GBP6: variants seen among roughly 807,000 people sequenced by gnomAD.
The protein encoded by GBP6 is guanylate binding protein family member 6.
In GBP6, 54 loss-of-function variants were observed where a neutral mutation model predicts 61.5. That is an observed-to-expected ratio of 0.88 (90% CI 0.71 to 1.10). The LOEUF (loss-of-function observed/expected upper bound fraction) is 1.10, where lower values mean the gene tolerates loss of function less well. GBP6 is among the 50% of genes least tolerant of loss of function. The pLI is 0.00. For missense variants in GBP6, 748 were observed against 752.8 expected, an observed-to-expected ratio of 0.99 and a Z score of 0.07; for synonymous variants, 255 against 273.7, an observed-to-expected ratio of 0.93 and a Z score of 0.67.
Position 89,378,087 on chromosome 1 carries a change from C to G in GBP6, c.319-16C>G. On this transcript the variant is annotated splice_polypyrimidine_tract_variant and intron_variant, in intron 3 of 10. Coordinates refer to ENST00000370456, the MANE Select transcript of GBP6 (RefSeq NM_198460.3). The stretch of plus-strand genomic sequence containing the variant: ...AGACTACACTCCTAAGTCCTTTGCT[C>G]TAATGTGCTTTTTAGGGTGACCCTA... The G allele has an allele frequency of 1.2e-6, 2 of 1,608,470 alleles. No individual in the cohort carries two copies. The highest frequency in any genetic ancestry group is 2.2e-5 in the South Asian group (2 of 90,258).
chr1:89,370,234 G>A (rs1000003489), intron 3 of GBP6, among the ~76,000 whole-genome samples: 7 of 152,212 alleles, frequency 4.6e-5, no homozygotes, highest in Non-Finnish European at 8.8e-5. Flanking sequence ...GCACCTCACA[G>A]CTTTCACCAC....
In GBP6 at chr1:89,386,652, A is replaced by C. The variant is rs1166109765; in HGVS notation, c.*1183A>C. Among the ~76,000 whole-genome samples the C allele has an allele frequency of 6.6e-6, 1 of 152,204 alleles. No individual in the cohort carries two copies. The highest frequency in any genetic ancestry group is 2.4e-5 in the African/African-American group (1 of 41,448). Reference sequence around the variant, plus strand: ...ACTTTTCTGTGGCCTTTGAAATCTCAGCTACAGTAGCCTCTACTTCCTTTC... The same window carrying C: ...ACTTTTCTGTGGCCTTTGAAATCTCCGCTACAGTAGCCTCTACTTCCTTTC... On this transcript the variant is annotated 3_prime_UTR_variant, in exon 11 of 11. Coordinates refer to ENST00000370456, the MANE Select transcript of GBP6 (RefSeq NM_198460.3).
chr1:89,384,896 C>T (rs1364187746), intron 10 of GBP6, among the ~76,000 whole-genome samples: 1 of 152,110 alleles, frequency 6.6e-6, no homozygotes, highest in Non-Finnish European at 1.5e-5. Flanking sequence ...TTTGGTATTC[C>T]TACAATATGG....
intron 3 of GBP6, among the ~76,000 whole-genome samples, chr1:89,376,939 T>C (rs142373136): frequency 1.3e-5 from 2 of 152,262 alleles, no homozygotes; most frequent in East Asian, 3.9e-4. Flanking sequence ...GTTTATTGTT[T>C]GTCACGAGTC....
intron 3 of GBP6, among the ~76,000 whole-genome samples, chr1:89,373,942 A>T (rs1379635350): frequency 6.6e-6 from 1 of 151,884 alleles, no homozygotes; most frequent in Non-Finnish European, 1.5e-5. Flanking sequence ...CGTGGGAGGG[A>T]CCTGGTGGGA....
At chr1:89,378,786 A>T (rs908523701) in intron 5 of GBP6, among the ~76,000 whole-genome samples, 173 bp downstream of exon 5, 1 of 152,198 alleles carries the variant, frequency 6.6e-6, no homozygotes, top group Non-Finnish European at 1.5e-5. Context: ...CACTTAAGAA[A>T]AGTAGAGTCT....
chr1:89,385,552 T>G lies in GBP6; in HGVS notation c.*83T>G. 4.3e-6 allele frequency: 6 copies of G among 1,400,070 alleles called. No homozygotes were observed. The highest frequency in any genetic ancestry group is 5.8e-6 in the Non-Finnish European group (6 of 1,043,290). 86.7% of individuals were successfully genotyped at this position (1,400,070 alleles called of 1,614,324 possible). The stretch of plus-strand genomic sequence containing the variant: ...TTTTCATTCAGCAAGTTTTTTTTTT[T>G]TTTCAGAGTCTTACTCTGTTGCCCA... On this transcript the variant is annotated 3_prime_UTR_variant, in exon 11 of 11. Transcript: ENST00000370456.
At chr1:89,364,873 T>G (rs1280730760) in intron 1 of GBP6, among the ~76,000 whole-genome samples, 1 of 151,844 alleles carries the variant, frequency 6.6e-6, no homozygotes, top group Non-Finnish European at 1.5e-5. Flanking sequence ...GGTGGTTTGC[T>G]GCACCTATCA....
chr1:89,365,767 C>T (rs1310898128), intron 1 of GBP6, among the ~76,000 whole-genome samples: 1 of 152,156 alleles, frequency 6.6e-6, no homozygotes, highest in Non-Finnish European at 1.5e-5. Context: ...TATGATTTAA[C>T]TCACAGACCC....
intron 9 of GBP6, 46 bp downstream of exon 9, chr1:89,383,800 A>C: frequency 7.4e-7 from 1 of 1,345,020 alleles, no homozygotes; most frequent in East Asian, 2.3e-5. Context: ...CGTTTATACA[A>C]TGCCCTCTAA....
Position 89,378,099 on chromosome 1 carries a change from T to C in GBP6, c.319-4T>C. The stretch of plus-strand genomic sequence containing the variant: ...TAAGTCCTTTGCTCTAATGTGCTTT[T>C]TAGGGTGACCCTAAGAATGACTCCT... On this transcript the variant is annotated splice_region_variant and splice_polypyrimidine_tract_variant and intron_variant, in intron 3 of 10. Transcript: ENST00000370456. 1.2e-6 allele frequency: 2 copies of C among 1,611,096 alleles called. No individual in the cohort carries two copies. The highest frequency in any genetic ancestry group is 1.7e-6 in the Non-Finnish European group (2 of 1,179,278).
In GBP6 at chr1:89,381,931, A is replaced by T; in HGVS notation, c.1109A>T (p.His370Leu). 1 of 1,613,138 alleles carries T rather than the reference A, an allele frequency of 6.2e-7. No individual in the cohort carries two copies. The highest frequency in any genetic ancestry group is 8.5e-7 in the Non-Finnish European group (1 of 1,179,326). The change falls in exon 7 of 11, where the codon CAC (histidine) becomes CTC (leucine). Residue 370 changes from histidine to leucine, a missense_variant. Transcript: ENST00000370456. The part of the protein sequence containing the change: ...EREAIAIFME[H>L]SFKDENQEFQ... ...GAAGCCATTGCAATCTTCATGGAGC[A>T]CTCCTTCAAGGATGAAAATCAGGAA...
chr1:89,376,992 T>G (rs1246120434), intron 3 of GBP6, among the ~76,000 whole-genome samples: 1 of 152,044 alleles, frequency 6.6e-6, no homozygotes, highest in African/African-American at 2.4e-5. Context: ...TTTTAAAAAT[T>G]AAGGAGTGGG....
Position 89,378,429 on chromosome 1 carries a change from G to A in GBP6, c.441G>A (p.Glu147=). 1 of 1,613,430 alleles carries A rather than the reference G, an allele frequency of 6.2e-7. No individual in the cohort carries two copies. Among genetic ancestry groups the A allele is most frequent in the Non-Finnish European group, 8.5e-7 (1 of 1,179,684 alleles). ...ACCTAAGTCCTAGTTATGTGACGGA[G>A]CTCACAGAACTAATTAAGGCAAAGT... ...QALEQLHYVT[E]LTELIKAKSS... is the part of the protein sequence containing the mutation. Residue 147 remains glutamate (E), a synonymous_variant, in exon 5 of 11, where the codon GAG becomes GAA. Coordinates refer to ENST00000370456, the MANE Select transcript of GBP6 (RefSeq NM_198460.3).
chr1:89,372,904 C>A (rs571024572), intron 3 of GBP6, among the ~76,000 whole-genome samples: 115 of 151,848 alleles, frequency 7.6e-4, no homozygotes, highest in African/African-American at 2.7e-3. Context: ...AAAATTTTTG[C>A]AATTGACTCA....
rs1299244125 is a variant in GBP6, at chr1:89,380,262, A to T, written c.626-124A>T. ...ATGTGCACAGAAGTATTTAATTTTT[A>T]TGTTAAAGGAGGTCTGTAAGCATAG... On this transcript the variant is annotated intron_variant, in intron 5 of 10. Coordinates refer to ENST00000370456, the MANE Select transcript of GBP6 (RefSeq NM_198460.3). 5 of 741,574 alleles carry T rather than the reference A, an allele frequency of 6.7e-6. No individual in the cohort carries two copies. In the East Asian group the frequency reaches 1.3e-4, roughly 19 times the overall value. The allele number at this position is 741,574 out of a possible 1,614,324, so 45.9% of individuals were successfully genotyped here. A position where few individuals can be genotyped will look rare whatever the true frequency, so the allele number is the denominator to read the frequency against.
intron 5 of GBP6, among the ~76,000 whole-genome samples, chr1:89,380,119 T>C (rs1228944765): frequency 6.6e-6 from 1 of 152,178 alleles, no homozygotes; most frequent in Non-Finnish European, 1.5e-5. Context: ...GCCTGGGCAA[T>C]AGAGCAAGAC....
intron 1 of GBP6, among the ~76,000 whole-genome samples, chr1:89,365,541 G>A (rs765715519): frequency 1.1e-4 from 16 of 152,170 alleles, no homozygotes; most frequent in Non-Finnish European, 2.2e-4. Flanking sequence ...TTTTGCTTCC[G>A]TGAAAAATTT....
rs761065865 is a variant in GBP6, at chr1:89,378,139, G to A, written c.355G>A (p.Ala119Thr). The change falls in exon 4 of 11, where the codon GCT (alanine) becomes ACT (threonine). Residue 119 changes from alanine (A) to threonine (T), a missense_variant. Ala to Thr is a moderately conservative substitution (Grantham distance 58, BLOSUM62 0). Transcript: ENST00000370456. Reference protein sequence around the residue: ...PKNDSWIFALAVLLCSTFVYN... With the variant: ...PKNDSWIFALTVLLCSTFVYN... The stretch of plus-strand genomic sequence containing the variant: ...GAATGACTCCTGGATCTTTGCCCTG[G>A]CTGTGCTCCTGTGCAGCACCTTTGT... The A allele has an allele frequency of 1.9e-6, 3 of 1,613,060 alleles. No individual in the cohort carries two copies. Among genetic ancestry groups the A allele is most frequent in the South Asian group, 2.2e-5 (2 of 90,898 alleles).
Sources: gnomAD v4.1 joint callset for allele counts (sites outside exome capture counted in the v4.1 genomes callset) on GRCh38, gnomAD v4.1.1 for gene constraint, MANE v1.5 for transcripts, NCBI Gene and HGNC (gene_info 2026-07-23, HGNC 2026-07-21) for gene names.